The following LINGO2 variants were observed in gnomAD, a reference collection of about 807,000 sequenced individuals.
LINGO2 encodes leucine rich repeat and Ig domain containing 2, also known as leucine-rich repeat and immunoglobulin-like domain-containing nogo receptor-interacting protein 2.
In LINGO2, 14 loss-of-function variants were observed where a neutral mutation model predicts 30.6. That is an observed-to-expected ratio of 0.46 (90% CI 0.30 to 0.72). The LOEUF is 0.72. Among genes scored for constraint, LINGO2 ranks in the 30% least tolerant of loss-of-function variants. The pLI is 0.07. For missense variants in LINGO2, 729 were observed against 751.7 expected, an observed-to-expected ratio of 0.97 and a Z score of 0.35; for synonymous variants, 317 against 288.5, an observed-to-expected ratio of 1.10 and a Z score of -1.00.
chr9:28,955,431 T>C, the LINGO2 span, among the ~76,000 whole-genome samples: 1 of 152,114 alleles, frequency 6.6e-6, no homozygotes, highest in Admixed American at 6.6e-5. Context: ...ATTAGGAAGA[T>C]TGCTGCCTTT....
the LINGO2 span, among the ~76,000 whole-genome samples, chr9:29,050,662 C>A: frequency 6.6e-6 from 1 of 152,160 alleles, no homozygotes. Context: ...CTTTTCACAG[C>A]ACTAGTTACT....
At chr9:28,937,026 C>T in the LINGO2 span, among the ~76,000 whole-genome samples, 1 of 152,210 alleles carries the variant, frequency 6.6e-6, no homozygotes, top group Non-Finnish European at 1.5e-5. Flanking sequence ...ATTGGATTAA[C>T]AGTATTGGCT....
At chr9:28,808,348 T>A in the LINGO2 span, among the ~76,000 whole-genome samples, 1 of 152,178 alleles carries the variant, frequency 6.6e-6, no homozygotes, top group Non-Finnish European at 1.5e-5. Flanking sequence ...TTATGCTACT[T>A]TATAGTTTTG....
At chr9:28,879,864 G>A in the LINGO2 span, among the ~76,000 whole-genome samples, 2 of 151,600 alleles carry the variant, frequency 1.3e-5, no homozygotes, top group Admixed American at 6.6e-5. Context: ...AAAAAAAAGT[G>A]GTAGAAAGAG....
At chr9:28,393,041 C>A (rs1375794398) in intron 2 of LINGO2, among the ~76,000 whole-genome samples, 1 of 152,114 alleles carries the variant, frequency 6.6e-6, no homozygotes, top group Non-Finnish European at 1.5e-5. Flanking sequence ...CTAATGAATC[C>A]CTCAGAAAAA....
intron 2 of LINGO2, among the ~76,000 whole-genome samples, chr9:28,447,850 A>G (rs541607023): frequency 3.3e-5 from 5 of 152,316 alleles, no homozygotes. Context: ...ATATTGGGAA[A>G]AATTTTTAAA....
chr9:28,562,444 G>T, intron 1 of LINGO2, among the ~76,000 whole-genome samples: 1 of 91,074 alleles, frequency 1.1e-5, no homozygotes, highest in African/African-American at 4.7e-5. Context: ...AATAAGCAAT[G>T]TGCATTTACT....
upstream of LINGO2, among the ~76,000 whole-genome samples, chr9:28,670,708 C>T (rs901859069): frequency 6.6e-6 from 1 of 152,040 alleles, no homozygotes; most frequent in Non-Finnish European, 1.5e-5. Context: ...TAGCAAATAT[C>T]CTTACTTTAT....
rs527414033 is a variant in LINGO2, at chr9:28,117,680, G to GC, written c.-86-105276dup. Among the ~76,000 whole-genome samples, 1,226 of 137,822 alleles carry GC rather than the reference G, an allele frequency of 8.9e-3. 27 individuals carry two copies. The highest frequency in any genetic ancestry group is 0.031 in the African/African-American group (1,114 of 36,208). 90.4% of individuals were successfully genotyped at this position (137,822 alleles called of 152,430 possible). ...GTGGGAGTGACCCGATTTTCCAGGT[G>GC]CGTCCGTCACCCCTTTCTTTGACTC... On this transcript the variant is annotated intron_variant, in intron 4 of 5. Transcript: ENST00000379992.
chr9:28,605,176 A>G (rs1304603227), intron 1 of LINGO2, among the ~76,000 whole-genome samples: 1 of 152,136 alleles, frequency 6.6e-6, no homozygotes, highest in Non-Finnish European at 1.5e-5. Context: ...GTATTAGAAA[A>G]TAAATACCTC....
chr9:29,145,721 A>G, the LINGO2 span, among the ~76,000 whole-genome samples: 1 of 152,274 alleles, frequency 6.6e-6, no homozygotes, highest in South Asian at 2.1e-4. Flanking sequence ...TAATATAAAG[A>G]GTAAGCATAT....
chr9:29,035,031 A>C, the LINGO2 span, among the ~76,000 whole-genome samples: 1 of 152,198 alleles, frequency 6.6e-6, no homozygotes, highest in Admixed American at 6.6e-5. Context: ...TAAGCAGAGA[A>C]ACCAAATATT....
intron 2 of LINGO2, among the ~76,000 whole-genome samples, chr9:28,458,306 C>T (rs1463641026): frequency 1.3e-5 from 2 of 152,124 alleles, no homozygotes; most frequent in Admixed American, 6.6e-5. Context: ...GCACAAGCTC[C>T]TATATTTTTA....
intron 4 of LINGO2, among the ~76,000 whole-genome samples, chr9:28,152,676 A>G (rs948153761): frequency 8.5e-5 from 13 of 152,208 alleles, no homozygotes; most frequent in African/African-American, 3.1e-4. Context: ...GCTTTTTGAA[A>G]CAAGTAAAAC....
chr9:28,924,794 C>T, the LINGO2 span, among the ~76,000 whole-genome samples: 1 of 152,146 alleles, frequency 6.6e-6, no homozygotes, highest in Non-Finnish European at 1.5e-5. Context: ...ATGTCAGGTG[C>T]CTATATATTT....
chr9:28,687,243 C>T, the LINGO2 span, among the ~76,000 whole-genome samples: 1 of 152,046 alleles, frequency 6.6e-6, no homozygotes, highest in East Asian at 1.9e-4. Context: ...AATGATATTG[C>T]AGTAGAGAGG....
intron 4 of LINGO2, among the ~76,000 whole-genome samples, chr9:28,278,847 A>G (rs996926307): frequency 1.3e-5 from 2 of 152,310 alleles, no homozygotes; most frequent in South Asian, 4.1e-4. Flanking sequence ...CTATAGCTCC[A>G]TAGATAGTGA....
intron 1 of LINGO2, among the ~76,000 whole-genome samples, chr9:28,663,572 A>G (rs1391551897): frequency 6.6e-6 from 1 of 152,220 alleles, no homozygotes; most frequent in Non-Finnish European, 1.5e-5. Context: ...CATGAGCAAA[A>G]TACTGGGAAA....
At chr9:28,602,092 C>T (rs1022225935) in intron 1 of LINGO2, among the ~76,000 whole-genome samples, 1 of 152,028 alleles carries the variant, frequency 6.6e-6, no homozygotes, top group Non-Finnish European at 1.5e-5. Context: ...AACAAGGAGG[C>T]TAAGAAACCA....
Sources: allele counts gnomAD v4.1 joint callset (sites outside exome capture counted in the v4.1 genomes callset), GRCh38; gene constraint gnomAD v4.1.1; transcripts MANE v1.5; gene names NCBI Gene and HGNC (gene_info 2026-07-23, HGNC 2026-07-21).